Variants in SLC16A10 observed in about 807,000 individuals in gnomAD.
The protein encoded by SLC16A10 is monocarboxylate transporter 10.
Under a neutral mutation model 40.0 loss-of-function variants are expected in SLC16A10, and 27 were observed. That is an observed-to-expected ratio of 0.67 (90% CI 0.50 to 0.93). SLC16A10 has a LOEUF of 0.93. Among genes scored for constraint, SLC16A10 ranks in the 40% least tolerant of loss-of-function variants. The pLI is 0.00. For synonymous variants in SLC16A10, 213 were observed against 249.8 expected (o/e 0.85, Z 1.39); for missense variants, 529 against 658.2 (o/e 0.80, Z 2.15).
intron 3 of SLC16A10, among the ~76,000 whole-genome samples, chr6:111,185,629 C>T (rs1364233081): frequency 6.6e-6 from 1 of 152,140 alleles, no homozygotes; most frequent in Non-Finnish European, 1.5e-5. Flanking sequence ...ATGGACCATA[C>T]ATAGCTTTGT....
intron 1 of SLC16A10, among the ~76,000 whole-genome samples, chr6:111,147,081 AG>A (rs1772093371): frequency 6.6e-6 from 1 of 152,242 alleles, no homozygotes; most frequent in Non-Finnish European, 1.5e-5. Context: ...TAATGGGTAC[AG>A]GGTTTCTTTT....
chr6:111,214,664 G>A (rs1011590623), intron 4 of SLC16A10, among the ~76,000 whole-genome samples: 26 of 152,114 alleles, frequency 1.7e-4, no homozygotes, highest in Non-Finnish European at 1.8e-4. Flanking sequence ...AGTACTTAAA[G>A]AATAGATGTG....
intron 2 of SLC16A10, among the ~76,000 whole-genome samples, chr6:111,176,035 G>A (rs900069900): frequency 6.6e-6 from 1 of 152,124 alleles, no homozygotes; most frequent in Non-Finnish European, 1.5e-5. Flanking sequence ...AATGTATCTG[G>A]TACACAGTAG....
chr6:111,157,486 G>A (rs1357804044), intron 1 of SLC16A10, among the ~76,000 whole-genome samples: 1 of 152,020 alleles, frequency 6.6e-6, no homozygotes, highest in Non-Finnish European at 1.5e-5. Context: ...GTTTCATTAT[G>A]TTGGCCAGAC....
rs531053564 is a variant in SLC16A10 at position 111,112,207 on chromosome 6, A to T, written c.343+24112A>T. 5.8e-4 allele frequency among the ~76,000 whole-genome samples: 87 copies of T among 150,112 alleles called. 1 individual carries two copies. Among genetic ancestry groups the T allele is most frequent in the South Asian group, 4.1e-3 (19 of 4,684 alleles). ...ACCATGCCTGGCTAATTAAAAAAAA[A>T]TTTTTTTTTTCTAGAGATGGGGTCT... is the stretch of plus-strand genomic sequence containing the variant. On this transcript the variant is annotated intron_variant, in intron 1 of 5. Transcript: ENST00000368851.
At chr6:111,218,712 A>G (rs201167851) in intron 4 of SLC16A10, 102 bp from the exon 5 acceptor site, 159 of 911,358 alleles carry the variant, frequency 1.7e-4, no homozygotes, top group Middle Eastern at 3.3e-4. Flanking sequence ...GGCAGGGGGG[A>G]AAGGGGGAAC....
chr6:111,098,158 T>G (rs746792632), intron 1 of SLC16A10, among the ~76,000 whole-genome samples: 4 of 151,896 alleles, frequency 2.6e-5, no homozygotes, highest in Non-Finnish European at 5.9e-5. Context: ...AATACTAAAT[T>G]AGCCGGGCAT....
At chr6:111,175,305 G>C (rs1018575436) in intron 2 of SLC16A10, among the ~76,000 whole-genome samples, 1 of 152,154 alleles carries the variant, frequency 6.6e-6, no homozygotes, top group Non-Finnish European at 1.5e-5. Context: ...AAGTGAAAAG[G>C]GTTCAGCAGT....
chr6:111,186,474 C>G (rs1224996356), intron 3 of SLC16A10, among the ~76,000 whole-genome samples: 1 of 152,056 alleles, frequency 6.6e-6, no homozygotes, highest in Non-Finnish European at 1.5e-5. Context: ...AAGAATCTTC[C>G]CCTTGTGAGG....
Position 111,230,485 on chromosome 6 carries a change from G to A in SLC16A10, c.*8250G>A, listed in dbSNP as rs1430125323. The A allele has an allele frequency of 6.6e-6, 1 of 152,174 alleles. No homozygotes were observed. The highest frequency in any genetic ancestry group is 1.5e-5 in the Non-Finnish European group (1 of 68,006). The allele number at this position is 152,174 out of a possible 1,614,324, so 9.4% of individuals were successfully genotyped here. ...ACGTTAACATGAGTTATATTTGGCA[G>A]AGAGAATGGAAGCTTGCTAATCAGA... On this transcript the variant is annotated 3_prime_UTR_variant, in exon 6 of 6. Transcript: ENST00000368851.
At chr6:111,152,374 C>A (rs1772187482) in intron 1 of SLC16A10, among the ~76,000 whole-genome samples, 1 of 152,154 alleles carries the variant, frequency 6.6e-6, no homozygotes, top group Non-Finnish European at 1.5e-5. Flanking sequence ...ATAGTGCTGG[C>A]ACATATAGAT....
At chr6:111,204,275 AG>A (rs1391996839) in intron 3 of SLC16A10, among the ~76,000 whole-genome samples, 1 of 152,194 alleles carries the variant, frequency 6.6e-6, no homozygotes, top group Non-Finnish European at 1.5e-5. Flanking sequence ...GGAATAATCT[AG>A]GGTAGCTGTC....
intron 1 of SLC16A10, among the ~76,000 whole-genome samples, chr6:111,100,673 G>A (rs985738936): frequency 1.3e-5 from 2 of 152,022 alleles, no homozygotes; most frequent in Admixed American, 6.6e-5. Context: ...GTGAGCCACC[G>A]TGCCCGGCCT....
chr6:111,155,123 C>T (rs1478680131), intron 1 of SLC16A10, among the ~76,000 whole-genome samples: 6 of 151,380 alleles, frequency 4.0e-5, no homozygotes, highest in African/African-American at 1.5e-4. Context: ...GGTCTGGCCT[C>T]ATCTAAGGTG....
intron 1 of SLC16A10, among the ~76,000 whole-genome samples, chr6:111,117,194 C>G (rs181022509): frequency 6.6e-6 from 1 of 151,254 alleles, no homozygotes; most frequent in Non-Finnish European, 1.5e-5. Flanking sequence ...ACTAGAAATA[C>G]AAAAAAAATT....
At chr6:111,154,274 G>A (rs960745442) in intron 1 of SLC16A10, among the ~76,000 whole-genome samples, 5 of 152,078 alleles carry the variant, frequency 3.3e-5, no homozygotes, top group African/African-American at 7.2e-5. Context: ...ACTTCATTCC[G>A]CAAAGGATTT....
At chr6:111,108,143 C>G (rs1448444521) in intron 1 of SLC16A10, among the ~76,000 whole-genome samples, 1 of 152,070 alleles carries the variant, frequency 6.6e-6, no homozygotes, top group African/African-American at 2.4e-5. Context: ...CCTCAGCCTC[C>G]CAAGTAGCTG....
rs568909143 is a variant in SLC16A10 at position 111,162,884 on chromosome 6, C to T, written c.344-9811C>T. Among the ~76,000 whole-genome samples the T allele has an allele frequency of 2.6e-5, 4 of 152,136 alleles. No individual in the cohort carries two copies. In the South Asian group the frequency reaches 8.3e-4, roughly 32 times the overall value. Reference sequence around the variant, plus strand: ...GTACATTCTATTAACTCTTCTTCTGCTTGATATTCATGAACATTTCAGCTC... The same window carrying T: ...GTACATTCTATTAACTCTTCTTCTGTTTGATATTCATGAACATTTCAGCTC... On this transcript the variant is annotated intron_variant, in intron 1 of 5. Coordinates refer to ENST00000368851, the MANE Select transcript of SLC16A10 (RefSeq NM_018593.5).
At position 111,226,154 on chromosome 6, in the gene SLC16A10, A is replaced by G. The variant is rs1457271447; in HGVS notation, c.*3919A>G. 6.6e-6 allele frequency: 1 copy of G among 152,206 alleles called. No individual in the cohort carries two copies. The highest frequency in any genetic ancestry group is 2.4e-5 in the African/African-American group (1 of 41,448). The allele number at this position is 152,206 out of a possible 1,614,324, so 9.4% of individuals were successfully genotyped here. A position where few individuals can be genotyped will look rare whatever the true frequency, so the allele number is the denominator to read the frequency against. On this transcript the variant is annotated 3_prime_UTR_variant, in exon 6 of 6. Coordinates refer to ENST00000368851, the MANE Select transcript of SLC16A10 (RefSeq NM_018593.5). ...TGCTAACATTTAAAACTGTATTTAA[A>G]TTTTTAAGGTAAATGCTTTGGGGAA...
Sources: gnomAD v4.1 joint callset for allele counts (sites outside exome capture counted in the v4.1 genomes callset) on GRCh38, gnomAD v4.1.1 for gene constraint, MANE v1.5 for transcripts, NCBI Gene and HGNC (gene_info 2026-07-23, HGNC 2026-07-21) for gene names.